OPHN1: variants seen among roughly 807,000 people sequenced by gnomAD.
OPHN1 encodes oligophrenin 1.
OPHN1 carries 11 observed loss-of-function variants against 60.7 expected under a neutral mutation model. That is an observed-to-expected ratio of 0.18 (90% CI 0.11 to 0.30). The LOEUF is 0.30. Among genes scored for constraint, OPHN1 ranks in the 10% least tolerant of loss-of-function variants. The pLI is 1.00. For missense variants in OPHN1, 449 were observed against 611.0 expected, an observed-to-expected ratio of 0.73 and a Z score of 2.80; for synonymous variants, 226 against 222.6, an observed-to-expected ratio of 1.02 and a Z score of -0.14.
chrX:68,367,133 G>A (rs769136856), intron 2 of OPHN1, among the ~76,000 whole-genome samples: 1 of 110,525 alleles, frequency 9.0e-6, no homozygotes, highest in East Asian at 2.9e-4. Flanking sequence ...GCTGAAGCAG[G>A]CAGATCACTT....
intron 2 of OPHN1, among the ~76,000 whole-genome samples, chrX:68,361,512 T>A (rs1489436364): frequency 1.8e-5 from 2 of 108,178 alleles, no homozygotes; most frequent in South Asian, 3.9e-4. Flanking sequence ...ATAAAAAAAA[T>A]ATATATGTAT....
intron 2 of OPHN1, among the ~76,000 whole-genome samples, chrX:68,319,742 A>AAAAT (rs1332539409): frequency 9.1e-6 from 1 of 110,146 alleles, no homozygotes; most frequent in African/African-American, 3.3e-5. Context: ...CTCTCCAAAG[A>AAAAT]AAATAAATAA....
At chrX:68,219,474 T>C (rs1165447989) in intron 6 of OPHN1, among the ~76,000 whole-genome samples, 8 of 108,281 alleles carry the variant, frequency 7.4e-5, no homozygotes, top group East Asian at 2.9e-4. Flanking sequence ...CAACAGAATA[T>C]ACATTTTTCT....
intron 22 of OPHN1, among the ~76,000 whole-genome samples, chrX:68,053,195 T>C (rs941317912): frequency 2.7e-5 from 3 of 111,704 alleles, no homozygotes; most frequent in African/African-American, 9.8e-5. Flanking sequence ...AGAGACTCTC[T>C]GGAGAACCAA....
intron 2 of OPHN1, among the ~76,000 whole-genome samples, chrX:68,354,750 G>A (rs1167549759): frequency 2.0e-3 from 184 of 91,776 alleles, no homozygotes; most frequent in African/African-American, 8.8e-3. Flanking sequence ...GAGAGACTCC[G>A]TCTCAAAAAA....
intron 15 of OPHN1, among the ~76,000 whole-genome samples, chrX:68,149,184 C>T (rs935977864): frequency 9.0e-6 from 1 of 111,276 alleles, no homozygotes; most frequent in Non-Finnish European, 1.9e-5. Flanking sequence ...CTCCTTGCTC[C>T]TGCAGCTTTC....
chrX:68,433,370 G>A lies in OPHN1; in HGVS notation c.-207C>T. 3.3e-6 allele frequency: 1 copy of A among 300,938 alleles called. No individual in the cohort carries two copies. Among genetic ancestry groups the A allele is most frequent in the Non-Finnish European group, 5.8e-6 (1 of 172,605 alleles). 24.8% of individuals were successfully genotyped at this position (300,938 alleles called of 1,213,427 possible). A position where few individuals can be genotyped will look rare whatever the true frequency, so the allele number is the denominator to read the frequency against. On this transcript the variant is annotated 5_prime_UTR_variant, in exon 1 of 25. Coordinates refer to ENST00000355520, the MANE Select transcript of OPHN1 (RefSeq NM_002547.3). ...CCCGACTTGCCTCCGGAGACGGGCC[G>A]GATCCTTCCTGAGCAATTGCAAACG...
At position 68,404,755 on chromosome X, in the gene OPHN1, A is replaced by T. The variant is rs183372702; in HGVS notation, c.154+28112T>A. On this transcript the variant is annotated intron_variant, in intron 2 of 24. Transcript: ENST00000355520. ...AAAAGAATAAACCAAAAAAAGAAAG[A>T]AAAGAAGTTCTGACACATGCTACGT... 6.9e-3 allele frequency among the ~76,000 whole-genome samples: 774 copies of T among 112,322 alleles called. 4 individuals carry two copies. The highest frequency in any genetic ancestry group is 0.023 in the Middle Eastern group (5 of 219).
At chrX:68,264,440 A>G (rs1292813707) in intron 5 of OPHN1, among the ~76,000 whole-genome samples, 1 of 111,840 alleles carries the variant, frequency 8.9e-6, no homozygotes, top group Non-Finnish European at 1.9e-5. Flanking sequence ...TCAAAAAGTG[A>G]GCAAAGGATA....
chrX:68,209,042 G>A (rs1240625825), intron 9 of OPHN1, among the ~76,000 whole-genome samples: 4 of 112,322 alleles, frequency 3.6e-5, no homozygotes, highest in African/African-American at 6.5e-5. Flanking sequence ...TTTCACTACC[G>A]TAGTGTCATG....
intron 16 of OPHN1, among the ~76,000 whole-genome samples, chrX:68,113,708 G>T (rs912466052): frequency 5.7e-5 from 6 of 105,579 alleles, no homozygotes; most frequent in Non-Finnish European, 1.2e-4. Context: ...GTAAACTATC[G>T]CAAGGACAAA....
chrX:68,051,057 C>T (rs1423601980), intron 23 of OPHN1, among the ~76,000 whole-genome samples: 1 of 111,766 alleles, frequency 8.9e-6, no homozygotes, highest in Non-Finnish European at 1.9e-5. Context: ...CACTGACAAT[C>T]AGAGCTAGAA....
At chrX:68,397,172 A>G (rs904753236) in intron 2 of OPHN1, among the ~76,000 whole-genome samples, 2 of 112,178 alleles carry the variant, frequency 1.8e-5, no homozygotes, top group African/African-American at 6.5e-5. Flanking sequence ...TGGAAGTTCT[A>G]TTTAGATAAA....
intron 6 of OPHN1, among the ~76,000 whole-genome samples, chrX:68,215,763 T>C (rs1189563106): frequency 1.8e-5 from 2 of 111,671 alleles, no homozygotes; most frequent in East Asian, 5.6e-4. Context: ...CTTAACAATG[T>C]GTAAACTGTG....
intron 20 of OPHN1, chrX:68,070,898 C>T: frequency 8.6e-7 from 1 of 1,160,928 alleles, no homozygotes; most frequent in African/African-American, 1.8e-5. Context: ...GCATTCTCAT[C>T]AAATTTCTCA....
At chrX:68,104,993 G>A (rs890023643) in intron 18 of OPHN1, among the ~76,000 whole-genome samples, 4 of 111,878 alleles carry the variant, frequency 3.6e-5, no homozygotes, top group Admixed American at 1.9e-4. Context: ...AAAAGTGGGC[G>A]AGGGAAATGA....
chrX:68,314,589 C>T (rs898860318), intron 2 of OPHN1, among the ~76,000 whole-genome samples: 7 of 111,419 alleles, frequency 6.3e-5, no homozygotes, highest in Non-Finnish European at 1.3e-4. Context: ...GGTGGTTTCA[C>T]TGTTGAATTC....
intron 8 of OPHN1, 104 bp from the exon 9 acceptor site, chrX:68,210,386 G>T: frequency 1.2e-6 from 1 of 821,213 alleles, no homozygotes; most frequent in Non-Finnish European, 1.7e-6. Context: ...CTTACAGCAT[G>T]TGCAACCACA....
intron 6 of OPHN1, among the ~76,000 whole-genome samples, chrX:68,233,436 TG>T (rs1297631902): frequency 1.8e-5 from 2 of 112,057 alleles, no homozygotes; most frequent in Non-Finnish European, 3.8e-5. Flanking sequence ...AATCTTTCAT[TG>T]AACATATAGA....
Sources: gnomAD v4.1 joint callset for allele counts (sites outside exome capture counted in the v4.1 genomes callset) on GRCh38, gnomAD v4.1.1 for gene constraint, MANE v1.5 for transcripts, NCBI Gene and HGNC (gene_info 2026-07-23, HGNC 2026-07-21) for gene names.